Variants in GRAMD4 observed in about 807,000 individuals in gnomAD.
The protein encoded by GRAMD4 is GRAM domain-containing protein 4.
GRAMD4 carries 25 observed loss-of-function variants against 83.9 expected under a neutral mutation model. The ratio of observed to expected loss-of-function variants is 0.30; its 90% CI spans 0.22 to 0.42. The LOEUF is 0.42. Among genes scored for constraint, GRAMD4 ranks in the 10% least tolerant of loss-of-function variants. GRAMD4 has a pLI of 1.00. For missense variants in GRAMD4, 593 were observed against 788.7 expected, an observed-to-expected ratio of 0.75 and a Z score of 2.97; for synonymous variants, 336 against 320.9, an observed-to-expected ratio of 1.05 and a Z score of -0.50.
intron 17 of GRAMD4, among the ~76,000 whole-genome samples, chr22:46,676,157 G>A (rs371575906): frequency 6.6e-6 from 1 of 152,204 alleles, no homozygotes; most frequent in African/African-American, 2.4e-5. Context: ...GGCAGTTGTG[G>A]GTCATCTCTC....
intron 1 of GRAMD4, among the ~76,000 whole-genome samples, chr22:46,592,092 G>A (rs9615391): frequency 0.35 from 52,631 of 151,560 alleles, 10,310 homozygotes; most frequent in African/African-American, 0.51. Flanking sequence ...CACGGGAGTC[G>A]AGACCTCATC....
intron 3 of GRAMD4, among the ~76,000 whole-genome samples, chr22:46,643,184 C>G (rs1601620160): frequency 1.9e-5 from 2 of 107,010 alleles, no homozygotes; most frequent in African/African-American, 3.7e-5. Flanking sequence ...TCCATCCATC[C>G]ATCCATCCAT....
intron 1 of GRAMD4, among the ~76,000 whole-genome samples, chr22:46,602,204 C>T (rs976977422): frequency 3.3e-5 from 5 of 152,220 alleles, no homozygotes; most frequent in South Asian, 4.1e-4. Context: ...CCACCGCCAT[C>T]GTGCGTGTGA....
intron 1 of GRAMD4, among the ~76,000 whole-genome samples, chr22:46,597,658 T>G (rs939467680): frequency 6.6e-6 from 1 of 151,556 alleles, no homozygotes; most frequent in African/African-American, 2.4e-5. Context: ...CCCGGCTAAT[T>G]TTTTGTATTT....
In GRAMD4 at chr22:46,666,493, G is replaced by C. The variant is rs182705274; in HGVS notation, c.810-332G>C. On this transcript the variant is annotated intron_variant, in intron 9 of 18. Coordinates refer to ENST00000406902, the MANE Select transcript of GRAMD4 (RefSeq NM_015124.5). ...TCACTTAAATACTCTGGAAGGTGTC[G>C]TTGGTACCCAGAGCTAGGTCAGGAT... 2.6e-3 allele frequency among the ~76,000 whole-genome samples: 389 copies of C among 152,038 alleles called. 3 individuals carry two copies. Among genetic ancestry groups the C allele is most frequent in the African/African-American group, 9.2e-3 (382 of 41,556 alleles).
chr22:46,644,789 G>A (rs937957356), intron 3 of GRAMD4, among the ~76,000 whole-genome samples: 1 of 140,314 alleles, frequency 7.1e-6, no homozygotes, highest in African/African-American at 2.6e-5. Flanking sequence ...CCGGAGTGCA[G>A]TAGCACAATC....
At position 46,626,130 on chromosome 22, in the gene GRAMD4, T is replaced by G. The variant is rs542012611; in HGVS notation, c.-49-621T>G. On this transcript the variant is annotated intron_variant, in intron 1 of 18. Coordinates refer to ENST00000406902, the MANE Select transcript of GRAMD4 (RefSeq NM_015124.5). ...GGCAGAGGGAGCAGTGTGGGCGGAG[T>G]CCTGGGAGCCGGGGCCAGGTGGAGC... Among the ~76,000 whole-genome samples the G allele has an allele frequency of 7.9e-5, 12 of 152,000 alleles. No homozygotes were observed. The East Asian group carries it at 2.3e-3, about 29-fold the overall frequency.
At chr22:46,616,365 CGTTCCCCTGTGTGTAG>C (rs2081493503), upstream of GRAMD4, among the ~76,000 whole-genome samples, 4 of 56,694 alleles carry the variant, frequency 7.1e-5, no homozygotes, top group African/African-American at 7.6e-5. Context: ...CCTGTGTGTA[CGTTCCCCTGTGTGTAG>C]GTTCCCCTGT....
rs570533890 is a variant in GRAMD4, at chr22:46,661,497, C to T, written c.466+55C>T. The T allele has an allele frequency of 1.5e-5, 18 of 1,215,466 alleles. No individual in the cohort carries two copies. The South Asian group carries it at 2.0e-4, about 14-fold the overall frequency. The allele number at this position is 1,215,466 out of a possible 1,614,324, so 75.3% of individuals were successfully genotyped here. The stretch of plus-strand genomic sequence containing the variant: ...GGCGGGCGGGTGGGTGGCTGCGCGT[C>T]ACCTGCTGGTTCTGTAGGCCCAGGT... On this transcript the variant is annotated intron_variant, in intron 5 of 18. Coordinates refer to ENST00000406902, the MANE Select transcript of GRAMD4 (RefSeq NM_015124.5).
rs199991535 is a variant in GRAMD4 at position 46,666,819 on chromosome 22, C to G, written c.810-6C>G. 6.2e-7 allele frequency: 1 copy of G among 1,610,362 alleles called. No homozygotes were observed. ...CCTAAAGGTGTGTGTGTTTTCTGTT[C>G]GCCAGGGGGTGGCGGATACAGTGGA... On this transcript the variant is annotated splice_region_variant and splice_polypyrimidine_tract_variant and intron_variant, in intron 9 of 18. Coordinates refer to ENST00000406902, the MANE Select transcript of GRAMD4 (RefSeq NM_015124.5).
chr22:46,616,035 T>TGC (rs1394148034), upstream of GRAMD4, among the ~76,000 whole-genome samples: 1 of 7,784 alleles, frequency 1.3e-4, no homozygotes, highest in Non-Finnish European at 3.0e-4. Flanking sequence ...GGTTCCCCCA[T>TGC]GTGTAGGTTC....
upstream of GRAMD4, among the ~76,000 whole-genome samples, chr22:46,576,350 T>G (rs1258411416): frequency 6.6e-6 from 1 of 152,020 alleles, no homozygotes; most frequent in Non-Finnish European, 1.5e-5. Flanking sequence ...CAGTCTCCTG[T>G]GAGCTAGACA....
downstream of GRAMD4, among the ~76,000 whole-genome samples, chr22:46,680,586 C>CCACCCCCCCCCCCATT: frequency 4.3e-5 from 1 of 23,146 alleles, no homozygotes; most frequent in Non-Finnish European, 8.5e-5. Flanking sequence ...ATCCATCCAT[C>CCACCCCCCCCCCCATT]CATCCATCCA....
In GRAMD4 at chr22:46,632,297, A is replaced by G. The variant is rs192538620; in HGVS notation, c.162+5336A>G. Among the ~76,000 whole-genome samples, 866 of 152,298 alleles carry G rather than the reference A, an allele frequency of 5.7e-3. 5 individuals carry two copies. The highest frequency in any genetic ancestry group is 9.2e-3 in the Non-Finnish European group (624 of 68,000). ...TGGCAAGAAGGAGGTGGGCATGCTT[A>G]GGGCTGGGGCAGCGTCTGGGGTGAC... On this transcript the variant is annotated intron_variant, in intron 2 of 18. Coordinates refer to ENST00000406902, the MANE Select transcript of GRAMD4 (RefSeq NM_015124.5).
chr22:46,588,483 G>C (rs1418688450), intron 1 of GRAMD4, among the ~76,000 whole-genome samples: 1 of 152,202 alleles, frequency 6.6e-6, no homozygotes, highest in Non-Finnish European at 1.5e-5. Flanking sequence ...TGCGGAGTGG[G>C]TCAAACCACT....
rs2082649328 is a variant in GRAMD4, at chr22:46,679,732, G to A, written c.*2481G>A. On this transcript the variant is annotated 3_prime_UTR_variant, in exon 19 of 19. Coordinates refer to ENST00000406902, the MANE Select transcript of GRAMD4 (RefSeq NM_015124.5). ...AAAACTTTGTTTGTTTAAAGAAAAA[G>A]TATTGTATAAATTATAATTTTTATT... 1.0e-6 allele frequency: 1 copy of A among 967,490 alleles called. No homozygotes were observed. The highest frequency in any genetic ancestry group is 1.2e-6 in the Non-Finnish European group (1 of 813,408). The allele number at this position is 967,490 out of a possible 1,614,324, so 59.9% of individuals were successfully genotyped here.
Position 46,672,084 on chromosome 22 carries a change from G to A in GRAMD4, c.1085-759G>A, listed in dbSNP as rs5769065. ...GCCCCCAGCACTGGGAGGGGCACCC[G>A]GAGAGACCGGAACTCCTGACAGCTT... is the stretch of plus-strand genomic sequence containing the variant. On this transcript the variant is annotated intron_variant, in intron 13 of 18. Coordinates refer to ENST00000406902, the MANE Select transcript of GRAMD4 (RefSeq NM_015124.5). The surrounding 1 kb of genome is among the most constrained non-coding windows in gnomAD (Gnocchi z 4.7). 2.9e-3 allele frequency among the ~76,000 whole-genome samples: 447 copies of A among 152,314 alleles called. 6 individuals carry two copies. In the East Asian group the frequency reaches 0.069, roughly 24 times the overall value.
upstream of GRAMD4, among the ~76,000 whole-genome samples, chr22:46,617,761 G>A (rs974831928): frequency 6.6e-6 from 1 of 152,098 alleles, no homozygotes. Context: ...TTAGCCCTGG[G>A]CCCGCTCCCT....
chr22:46,639,573 C>T (rs933623957), intron 3 of GRAMD4, among the ~76,000 whole-genome samples: 1 of 140,240 alleles, frequency 7.1e-6, no homozygotes, highest in African/African-American at 2.7e-5. Context: ...TGTGTGTGTG[C>T]GTGTGGCGGT....
Sources: gnomAD v4.1 joint callset for allele counts (sites outside exome capture counted in the v4.1 genomes callset) on GRCh38, gnomAD v4.1.1 for gene constraint, Gnocchi (gnomAD v3.1) non-coding constraint, MANE v1.5 for transcripts, NCBI Gene and HGNC (gene_info 2026-07-23, HGNC 2026-07-21) for gene names.